C1orf21: variants seen among roughly 807,000 people sequenced by gnomAD.
The protein encoded by C1orf21 is uncharacterized protein C1orf21.
A neutral mutation model predicts 18.7 loss-of-function variants in C1orf21; 3 were observed. That is an observed-to-expected ratio of 0.16 (90% CI 0.07 to 0.42). C1orf21 has a LOEUF of 0.42. C1orf21 is among the 10% of genes least tolerant of loss of function. C1orf21 has a pLI of 0.99. For missense variants in C1orf21, 104 were observed against 143.6 expected (o/e 0.72, Z 1.41); for synonymous variants, 41 against 46.4 (o/e 0.88, Z 0.47).
intron 1 of C1orf21, among the ~76,000 whole-genome samples, chr1:184,441,680 ACT>A (rs1425242874): frequency 2.0e-5 from 3 of 152,156 alleles, no homozygotes; most frequent in Non-Finnish European, 2.9e-5. Context: ...AATCCTAACC[ACT>A]GTGTTTACAC....
intron 1 of C1orf21, among the ~76,000 whole-genome samples, chr1:184,392,850 A>T (rs1655995485): frequency 8.7e-6 from 1 of 115,042 alleles, no homozygotes; most frequent in African/African-American, 3.2e-5. Flanking sequence ...TTTTCTTGAG[A>T]CAGGGTTTCA....
At chr1:184,396,852 G>A (rs575122967) in intron 1 of C1orf21, among the ~76,000 whole-genome samples, 99 of 152,276 alleles carry the variant, frequency 6.5e-4, no homozygotes, top group Non-Finnish European at 1.3e-3. Flanking sequence ...CAACTGTAGG[G>A]TTCATGAAGG....
chr1:184,455,915 C>T (rs917985047), intron 1 of C1orf21, among the ~76,000 whole-genome samples: 2 of 152,120 alleles, frequency 1.3e-5, no homozygotes, highest in African/African-American at 2.4e-5. Context: ...GCCTTTGGAA[C>T]GTTAAATTAT....
chr1:184,529,680 T>A (rs759692407), intron 3 of C1orf21, among the ~76,000 whole-genome samples: 7 of 151,814 alleles, frequency 4.6e-5, no homozygotes, highest in Non-Finnish European at 8.8e-5. Flanking sequence ...AGCAGTCCAA[T>A]AAAGGAGAAT....
At chr1:184,487,128 T>A (rs946064643) in intron 2 of C1orf21, among the ~76,000 whole-genome samples, 8 of 139,650 alleles carry the variant, frequency 5.7e-5, no homozygotes, top group African/African-American at 2.4e-4. Context: ...TTGGAGTTAT[T>A]TTCTCCTGAG....
At chr1:184,495,917 CA>C (rs764285547) in intron 2 of C1orf21, among the ~76,000 whole-genome samples, 1,953 of 50,894 alleles carry the variant, frequency 0.038, 20 homozygotes, top group African/African-American at 0.11. Flanking sequence ...GACTCTGTCT[CA>C]AAAAAAAAAA....
chr1:184,459,241 C>A (rs1038034360), intron 1 of C1orf21, among the ~76,000 whole-genome samples: 1 of 152,162 alleles, frequency 6.6e-6, no homozygotes, highest in Non-Finnish European at 1.5e-5. Flanking sequence ...CAAAGGAATT[C>A]ATCACTCAAA....
At chr1:184,533,227 C>T (rs1025393459) in intron 3 of C1orf21, among the ~76,000 whole-genome samples, 1 of 152,190 alleles carries the variant, frequency 6.6e-6, no homozygotes, top group Admixed American at 6.5e-5. Flanking sequence ...CTTGACTGCT[C>T]CCTGACCCCT....
intron 3 of C1orf21, among the ~76,000 whole-genome samples, chr1:184,544,538 A>C (rs959732355): frequency 6.6e-6 from 1 of 152,214 alleles, no homozygotes; most frequent in African/African-American, 2.4e-5. Context: ...GTGGCTCCTC[A>C]TTGGTAGATA....
chr1:184,434,574 A>C (rs1482194695), intron 1 of C1orf21, among the ~76,000 whole-genome samples: 1 of 152,222 alleles, frequency 6.6e-6, no homozygotes, highest in Non-Finnish European at 1.5e-5. Context: ...TGCCAGAAGA[A>C]GACAGGATGG....
intron 3 of C1orf21, among the ~76,000 whole-genome samples, chr1:184,555,585 A>T (rs1238768753): frequency 6.6e-6 from 1 of 151,484 alleles, no homozygotes; most frequent in Non-Finnish European, 1.5e-5. Flanking sequence ...ATGCACAAAC[A>T]CCTGTTACCT....
intron 1 of C1orf21, among the ~76,000 whole-genome samples, chr1:184,416,072 C>G (rs980625153): frequency 1.3e-5 from 2 of 152,152 alleles, no homozygotes; most frequent in African/African-American, 4.8e-5. Context: ...ACCACATCTT[C>G]ATAGGAACAA....
At chr1:184,498,005 C>G (rs927054044) in intron 2 of C1orf21, among the ~76,000 whole-genome samples, 3 of 152,152 alleles carry the variant, frequency 2.0e-5, no homozygotes, top group Non-Finnish European at 4.4e-5. Context: ...CAAAACTTTC[C>G]CTCCTGCTCA....
intron 2 of C1orf21, among the ~76,000 whole-genome samples, chr1:184,481,578 A>T (rs1657654622): frequency 6.6e-6 from 1 of 152,188 alleles, no homozygotes; most frequent in Non-Finnish European, 1.5e-5. Context: ...GTTTACCCCA[A>T]GCCCACCTGG....
chr1:184,577,493 G>A (rs752205604), intron 3 of C1orf21, among the ~76,000 whole-genome samples: 12 of 152,070 alleles, frequency 7.9e-5, no homozygotes, highest in Non-Finnish European at 1.2e-4. Context: ...AAATAATATA[G>A]CAGATTTTCT....
intron 2 of C1orf21, among the ~76,000 whole-genome samples, chr1:184,500,987 C>CA (rs1197056322): frequency 3.3e-5 from 5 of 152,338 alleles, no homozygotes; most frequent in Admixed American, 3.3e-4. Flanking sequence ...TGTTCTTCCT[C>CA]ACCTGCCTCA....
At chr1:184,441,314 A>G (rs935336850) in intron 1 of C1orf21, among the ~76,000 whole-genome samples, 3 of 152,214 alleles carry the variant, frequency 2.0e-5, no homozygotes, top group Non-Finnish European at 4.4e-5. Context: ...CTACGCTGAA[A>G]GATACTTTAA....
rs117843838 is a variant in C1orf21, at chr1:184,437,637, C to T, written c.-124-39749C>T. ...TAACACCATTTAATGCAGCGATCTT[C>T]GGCCTTTTTGGCACCAGAGACCAGT... On this transcript the variant is annotated intron_variant, in intron 1 of 5. Transcript: ENST00000235307. Among the ~76,000 whole-genome samples, 253 of 152,130 alleles carry T rather than the reference C, an allele frequency of 1.7e-3. 5 individuals carry two copies. In the East Asian group the frequency reaches 0.04, roughly 24 times the overall value.
chr1:184,620,408 C>T lies in C1orf21; in HGVS notation c.*852C>T, dbSNP rs1231830234. 1 of 152,520 alleles carries T rather than the reference C, an allele frequency of 6.6e-6. No individual in the cohort carries two copies. Among genetic ancestry groups the T allele is most frequent in the East Asian group, 1.9e-4 (1 of 5,178 alleles). 9.4% of individuals were successfully genotyped at this position (152,520 alleles called of 1,614,324 possible). The stretch of plus-strand genomic sequence containing the variant: ...AGTTGAGCCCTCCTTTGCATTGACA[C>T]TGATAATTAGCCTATAGGGCTCCCT... On this transcript the variant is annotated 3_prime_UTR_variant, in exon 6 of 6. Coordinates refer to ENST00000235307, the MANE Select transcript of C1orf21 (RefSeq NM_030806.4).
Sources: gnomAD v4.1 joint callset for allele counts (sites outside exome capture counted in the v4.1 genomes callset) on GRCh38, gnomAD v4.1.1 for gene constraint, MANE v1.5 for transcripts, NCBI Gene and HGNC (gene_info 2026-07-23, HGNC 2026-07-21) for gene names.